The following TRPC4 variants were observed in gnomAD, a reference collection of about 807,000 sequenced individuals.
TRPC4 encodes transient receptor potential cation channel subfamily C member 4.
Under a neutral mutation model 99.4 loss-of-function variants are expected in TRPC4, and 49 were observed. That is an observed-to-expected ratio of 0.49 (90% CI 0.39 to 0.63). The LOEUF is 0.63. TRPC4 is among the 20% of genes least tolerant of loss of function. The pLI, the probability that TRPC4 is intolerant of heterozygous loss-of-function variation, is 0.00. For missense variants in TRPC4, 898 were observed against 1,152.9 expected, an observed-to-expected ratio of 0.78 and a Z score of 3.20; for synonymous variants, 454 against 425.9, an observed-to-expected ratio of 1.07 and a Z score of -0.81.
At chr13:37,805,502 A>G (rs1046399767) in intron 1 of TRPC4, among the ~76,000 whole-genome samples, 4 of 151,986 alleles carry the variant, frequency 2.6e-5, no homozygotes, top group Non-Finnish European at 5.9e-5. Flanking sequence ...TTCCACTTAC[A>G]GTAAGAATGC....
At chr13:37,763,457 A>AGAT (rs1956278274) in intron 2 of TRPC4, among the ~76,000 whole-genome samples, 1 of 151,532 alleles carries the variant, frequency 6.6e-6, no homozygotes, top group Non-Finnish European at 1.5e-5. Flanking sequence ...AAGAAAAGAT[A>AGAT]GATAGAAAAA....
At chr13:37,676,917 G>GTT (rs1345332461) in intron 4 of TRPC4, among the ~76,000 whole-genome samples, 1 of 132,976 alleles carries the variant, frequency 7.5e-6, no homozygotes, top group Non-Finnish European at 1.7e-5. Flanking sequence ...GTCCAGAAAT[G>GTT]TGTGTGTATA....
chr13:37,750,490 G>A (rs1248991585), intron 2 of TRPC4, among the ~76,000 whole-genome samples: 1 of 151,918 alleles, frequency 6.6e-6, no homozygotes, highest in African/African-American at 2.4e-5. Flanking sequence ...TTTGTCTAAT[G>A]CCTTTTCTGT....
chr13:37,663,873 T>C (rs1368679133), intron 5 of TRPC4, 144 bp from the exon 6 acceptor site: 2 of 689,300 alleles, frequency 2.9e-6, no homozygotes, highest in Non-Finnish European at 4.8e-6. Flanking sequence ...ACTTGCCAAT[T>C]CTAGAGGAAC....
chr13:37,813,361 C>A (rs956138167), intron 1 of TRPC4, among the ~76,000 whole-genome samples: 1 of 150,870 alleles, frequency 6.6e-6, no homozygotes, highest in Non-Finnish European at 1.5e-5. Flanking sequence ...AATATTAAAT[C>A]AAAGCAAGCA....
intron 3 of TRPC4, among the ~76,000 whole-genome samples, chr13:37,697,910 G>A (rs1953967091): frequency 6.6e-6 from 1 of 152,018 alleles, no homozygotes; most frequent in Non-Finnish European, 1.5e-5. Context: ...TGTCTATAAA[G>A]TAAGAAATAT....
chr13:37,643,037 C>T (rs1175521148), intron 8 of TRPC4, among the ~76,000 whole-genome samples: 1 of 152,248 alleles, frequency 6.6e-6, no homozygotes, highest in Middle Eastern at 3.4e-3. Flanking sequence ...GCCAGAAATA[C>T]GATTCTTTTA....
intron 1 of TRPC4, among the ~76,000 whole-genome samples, chr13:37,847,851 T>A (rs1958948419): frequency 6.6e-6 from 1 of 151,706 alleles, no homozygotes; most frequent in East Asian, 1.9e-4. Flanking sequence ...AGAAATAGAG[T>A]AGAATGATGG....
At chr13:37,786,634 A>G (rs1202606470) in intron 1 of TRPC4, among the ~76,000 whole-genome samples, 2 of 152,062 alleles carry the variant, frequency 1.3e-5, no homozygotes, top group African/African-American at 4.8e-5. Flanking sequence ...CAGTATTGCA[A>G]ATATGTTGAC....
At chr13:37,795,223 C>G (rs933072489) in intron 1 of TRPC4, among the ~76,000 whole-genome samples, 3 of 152,026 alleles carry the variant, frequency 2.0e-5, no homozygotes, top group Admixed American at 6.6e-5. Flanking sequence ...ATGGTTTGTT[C>G]TGGCATATTC....
rs76876486 is a variant in TRPC4, at chr13:37,749,184, A to G, written c.379-2729T>C. Among the ~76,000 whole-genome samples the G allele has an allele frequency of 3.8e-3, 571 of 152,170 alleles. 2 individuals are homozygous for G. Among genetic ancestry groups the G allele is most frequent in the African/African-American group, 0.013 (544 of 41,524 alleles). On this transcript the variant is annotated intron_variant, in intron 2 of 10. Transcript: ENST00000379705. Reference sequence around the variant, plus strand: ...TTCCATTTTGCCTTCTGCCACGATTATAAGTTTCTTGAGGGCTCCCCAGCT... The same window carrying G: ...TTCCATTTTGCCTTCTGCCACGATTGTAAGTTTCTTGAGGGCTCCCCAGCT...
chr13:37,751,525 A>G (rs1409145384), intron 2 of TRPC4, among the ~76,000 whole-genome samples: 2 of 151,948 alleles, frequency 1.3e-5, no homozygotes, highest in African/African-American at 4.8e-5. Context: ...ATTAATATAA[A>G]ATGTAAGCCA....
chr13:37,707,289 C>T (rs1196733398), intron 3 of TRPC4, among the ~76,000 whole-genome samples: 1 of 151,994 alleles, frequency 6.6e-6, no homozygotes, highest in African/African-American at 2.4e-5. Flanking sequence ...TACCATAGAA[C>T]ATATATGAAT....
intron 1 of TRPC4, among the ~76,000 whole-genome samples, chr13:37,787,879 C>T (rs564148616): frequency 3.9e-5 from 6 of 152,106 alleles, no homozygotes; most frequent in African/African-American, 9.6e-5. Context: ...AAAAACTAAG[C>T]GCTATCTCCA....
At chr13:37,678,969 G>T (rs7337018) in intron 4 of TRPC4, among the ~76,000 whole-genome samples, 1 of 151,900 alleles carries the variant, frequency 6.6e-6, no homozygotes, top group African/African-American at 2.4e-5. Context: ...ACAGCTTTTT[G>T]AAAAAATGTG....
At chr13:37,693,067 A>G (rs1376633716) in intron 3 of TRPC4, among the ~76,000 whole-genome samples, 1 of 32,100 alleles carries the variant, frequency 3.1e-5, no homozygotes, top group Admixed American at 3.0e-4. Context: ...GACACTACTT[A>G]CTGTATGTTA....
chr13:37,692,393 A>G (rs1367133436), intron 3 of TRPC4, 58 bp from the exon 4 acceptor site: 4 of 1,396,128 alleles, frequency 2.9e-6, no homozygotes, highest in South Asian at 2.7e-5. Context: ...AGTGGCCTCA[A>G]TTCATCAATA....
chr13:37,636,176 C>A lies in TRPC4; in HGVS notation c.*727G>T, dbSNP rs1159743682. ...TATTTATACTGATAAGCAGTTGAAT[C>A]TGAAATAGGTAATTAAAAAAACTGG... On this transcript the variant is annotated 3_prime_UTR_variant, in exon 11 of 11. Coordinates refer to ENST00000379705, the MANE Select transcript of TRPC4 (RefSeq NM_016179.4). Among the ~76,000 whole-genome samples, 1 of 151,812 alleles carries A rather than the reference C, an allele frequency of 6.6e-6. No homozygotes were observed. Among genetic ancestry groups the A allele is most frequent in the Admixed American group, 6.6e-5 (1 of 15,214 alleles).
chr13:37,816,719 A>G (rs574367875), intron 1 of TRPC4, among the ~76,000 whole-genome samples: 1 of 152,102 alleles, frequency 6.6e-6, no homozygotes, highest in Non-Finnish European at 1.5e-5. Flanking sequence ...AGATTGGTAC[A>G]TATGCAAATC....
Sources: gnomAD v4.1 joint callset for allele counts (sites outside exome capture counted in the v4.1 genomes callset) on GRCh38, gnomAD v4.1.1 for gene constraint, MANE v1.5 for transcripts, NCBI Gene and HGNC (gene_info 2026-07-23, HGNC 2026-07-21) for gene names.